CAPN11: variants seen among roughly 807,000 people sequenced by gnomAD.
CAPN11 encodes calpain-11.
A neutral mutation model predicts 105.3 loss-of-function variants in CAPN11; 108 were observed. The ratio of observed to expected loss-of-function variants is 1.03; its 90% CI spans 0.88 to 1.20. CAPN11 has a LOEUF of 1.20. Ranked by LOEUF, CAPN11 falls within the 50% of genes most tolerant of loss-of-function variation. The probability of loss-of-function intolerance (pLI) is 0.00; values close to 1 mark genes in which losing one functional copy is unlikely to be tolerated. For missense variants in CAPN11, 883 were observed against 924.8 expected (o/e 0.95, Z 0.59); for synonymous variants, 329 against 344.5 (o/e 0.96, Z 0.50).
chr6:44,183,681 T>C (rs1389076215), intron 21 of CAPN11, 24 bp from the exon 22 acceptor site: 2 of 1,611,804 alleles, frequency 1.2e-6, no homozygotes, highest in African/African-American at 2.7e-5. Context: ...TCAGCCCCTC[T>C]CCCCCGCTTC....
chr6:44,183,741 A>G lies in CAPN11; in HGVS notation c.2171A>G (p.His724Arg). 1 of 1,613,862 alleles carries G rather than the reference A, an allele frequency of 6.2e-7. No individual in the cohort carries two copies. Among genetic ancestry groups the G allele is most frequent in the Non-Finnish European group, 8.5e-7 (1 of 1,179,838 alleles). ...FLTMDPKNTG[H>R]ICLSLEQWLQ... ...ACCATGGACCCCAAGAATACTGGCC[A>G]TATTTGCTTGAGCCTGGAACAGGTA... The change falls in exon 22 of 23, where the codon CAT becomes CGT. Residue 724 changes from histidine to arginine, a missense_variant. By Grantham distance (29) the His-to-Arg change is conservative. Coordinates refer to ENST00000398776, the MANE Select transcript of CAPN11 (RefSeq NM_007058.4).
At position 44,169,262 on chromosome 6, in the gene CAPN11, C is replaced by T. The variant is rs1561842054; in HGVS notation, c.89-19C>T. ...TACATTTTTTACTTGCGTTATTTCT[C>T]TTTTTTTTTCTTAAGCAGAGCCCAC... On this transcript the variant is annotated intron_variant, in intron 2 of 22. Transcript: ENST00000398776. 2 of 1,562,432 alleles carry T rather than the reference C, an allele frequency of 1.3e-6. No homozygotes were observed. The highest frequency in any genetic ancestry group is 1.4e-5 in the African/African-American group (1 of 72,742).
chr6:44,167,497 CAAAAA>C (rs61107654), intron 2 of CAPN11, among the ~76,000 whole-genome samples: 1 of 27,072 alleles, frequency 3.7e-5, no homozygotes, highest in Non-Finnish European at 7.6e-5. Context: ...GACTCCATCT[CAAAAA>C]AAAAAAAAAA....
chr6:44,164,962 T>A (rs957251151), intron 1 of CAPN11, among the ~76,000 whole-genome samples: 3 of 152,168 alleles, frequency 2.0e-5, no homozygotes, highest in Non-Finnish European at 2.9e-5. Context: ...CTCTCTCAAC[T>A]CACTGCAACC....
chr6:44,183,449 G>A (rs1774118890), intron 21 of CAPN11, among the ~76,000 whole-genome samples: 1 of 152,158 alleles, frequency 6.6e-6, no homozygotes, highest in African/African-American at 2.4e-5. Flanking sequence ...TTTAGAATGT[G>A]GATAATAATA....
At position 44,172,869 on chromosome 6, in the gene CAPN11, T is replaced by C. The variant is rs1771253737; in HGVS notation, c.529-71T>C. ...TGGAGCCTCTGACACTGGCGTGTCA[T>C]CAGGTCTGGCCACTAGGAGGCGCTT... is the stretch of plus-strand genomic sequence containing the variant. On this transcript the variant is annotated intron_variant, in intron 5 of 22. Coordinates refer to ENST00000398776, the MANE Select transcript of CAPN11 (RefSeq NM_007058.4). 14 of 1,528,194 alleles carry C rather than the reference T, an allele frequency of 9.2e-6. No homozygotes were observed. In the South Asian group the frequency reaches 1.6e-4, roughly 17 times the overall value. 94.7% of individuals were successfully genotyped at this position (1,528,194 alleles called of 1,614,324 possible). A position where few individuals can be genotyped will look rare whatever the true frequency, so the allele number is the denominator to read the frequency against.
intron 13 of CAPN11, 63 bp downstream of exon 13, chr6:44,179,693 A>G: frequency 6.4e-7 from 1 of 1,556,706 alleles, no homozygotes; most frequent in Non-Finnish European, 8.9e-7. Flanking sequence ...CCTGGCTGCA[A>G]GTGGATTGGC....
chr6:44,167,472 T>G (rs1172890846), intron 2 of CAPN11, among the ~76,000 whole-genome samples: 1 of 111,132 alleles, frequency 9.0e-6, no homozygotes, highest in African/African-American at 3.8e-5. Flanking sequence ...CACTCCAGGC[T>G]GAGCAACAGA....
chr6:44,177,547 G>GTGTGAT, intron 12 of CAPN11, 127 bp downstream of exon 12: 1 of 848,282 alleles, frequency 1.2e-6, no homozygotes, highest in Non-Finnish European at 1.8e-6. Flanking sequence ...GAGTGCAGTG[G>GTGTGAT]CACAATCTCC....
rs776446969 is a variant in CAPN11 at position 44,176,845 on chromosome 6, T to C, written c.1084T>C (p.Tyr362His). Residue 362 changes from tyrosine (Y) to histidine (H), a missense_variant, in exon 11 of 23, where the codon TAC becomes CAC. Transcript: ENST00000398776. The part of the protein sequence containing the change: ...KTEDGEFWMS[Y>H]QDFLNNFTLL... ...ACCCCCACCCCACCACAGGATGTCC[T>C]ACCAAGATTTCCTGAACAACTTCAC... is the stretch of plus-strand genomic sequence containing the variant. 2.5e-6 allele frequency: 4 copies of C among 1,613,538 alleles called. No homozygotes were observed. The Admixed American group carries it at 5.0e-5, about 20-fold the overall frequency.
chr6:44,177,109 C>T (rs1408567514), intron 11 of CAPN11, 111 bp downstream of exon 11: 1 of 1,485,176 alleles, frequency 6.7e-7, no homozygotes, highest in Admixed American at 1.9e-5. Context: ...TCCATGAGGT[C>T]AAGGGTTAGT....
chr6:44,166,914 GT>G, intron 2 of CAPN11, 85 bp downstream of exon 2: 3 of 888,734 alleles, frequency 3.4e-6, no homozygotes, highest in Non-Finnish European at 5.4e-6. Flanking sequence ...GGGCCTGCTG[GT>G]GGGGGAAGTC....
At position 44,183,618 on chromosome 6, in the gene CAPN11, T is replaced by C. The variant is rs1023192224; in HGVS notation, c.2135-87T>C. 3 of 1,221,512 alleles carry C rather than the reference T, an allele frequency of 2.5e-6. No homozygotes were observed. In the Admixed American group the frequency reaches 5.6e-5, roughly 23 times the overall value. 75.7% of individuals were successfully genotyped at this position (1,221,512 alleles called of 1,614,324 possible). A position where few individuals can be genotyped will look rare whatever the true frequency, so the allele number is the denominator to read the frequency against. ...GGGGAACAGCCAGGAACACCTGGTG[T>C]CGCCCCTTCCTACCTAGTTGGGAGT... On this transcript the variant is annotated intron_variant, in intron 21 of 22. Coordinates refer to ENST00000398776, the MANE Select transcript of CAPN11 (RefSeq NM_007058.4).
intron 10 of CAPN11, 23 bp from the exon 11 acceptor site, chr6:44,176,815 G>A: frequency 1.2e-6 from 2 of 1,612,802 alleles, no homozygotes; most frequent in Non-Finnish European, 1.7e-6. Context: ...CTGCTGACGG[G>A]CTCCACCCCC....
At chr6:44,169,632 C>G in intron 3 of CAPN11, 101 bp downstream of exon 3, 1 of 1,253,772 alleles carries the variant, frequency 8.0e-7, no homozygotes, top group Non-Finnish European at 1.1e-6. Context: ...CCCACTACCC[C>G]ATTCTGACCC....
At chr6:44,179,273 A>T (rs1218643813) in intron 12 of CAPN11, among the ~76,000 whole-genome samples, 1 of 151,040 alleles carries the variant, frequency 6.6e-6, no homozygotes, top group African/African-American at 2.4e-5. Context: ...CCTTGCATAA[A>T]CTGTACTTTC....
chr6:44,170,629 C>T (rs1374832955), intron 4 of CAPN11, among the ~76,000 whole-genome samples: 2 of 152,216 alleles, frequency 1.3e-5, no homozygotes, highest in African/African-American at 4.8e-5. Context: ...CACATCATCA[C>T]TTCCACCATA....
chr6:44,158,833 C>T lies in CAPN11; in HGVS notation c.-16C>T, dbSNP rs779495760. On this transcript the variant is annotated 5_prime_UTR_variant, in exon 1 of 23. Coordinates refer to ENST00000398776, the MANE Select transcript of CAPN11 (RefSeq NM_007058.4). ...ACCAGAACCTTCAACTGTCAAGCAC[C>T]GAGCTAGCCACCAGCATGCTGTACT... is the stretch of plus-strand genomic sequence containing the variant. The T allele has an allele frequency of 3.2e-5, 50 of 1,551,064 alleles. No homozygotes were observed. The highest frequency in any genetic ancestry group is 9.8e-5 in the East Asian group (4 of 40,904).
chr6:44,176,800 G>A, intron 10 of CAPN11, 38 bp from the exon 11 acceptor site: 1 of 1,610,914 alleles, frequency 6.2e-7, no homozygotes, highest in East Asian at 2.2e-5. Context: ...GAGGATGCAA[G>A]TGTGCTGCTG....
Sources: gnomAD v4.1 joint callset for allele counts (sites outside exome capture counted in the v4.1 genomes callset) on GRCh38, gnomAD v4.1.1 for gene constraint, MANE v1.5 for transcripts, NCBI Gene and HGNC (gene_info 2026-07-23, HGNC 2026-07-21) for gene names.